FLNB: variants seen among roughly 807,000 people sequenced by gnomAD.
The protein encoded by FLNB is filamin-B.
Under a neutral mutation model 250.6 loss-of-function variants are expected in FLNB, and 111 were observed. The observed-to-expected ratio is 0.44, with a 90% confidence interval of 0.38 to 0.52. The LOEUF (loss-of-function observed/expected upper bound fraction) is 0.52. Among genes scored for constraint, FLNB ranks in the 20% least tolerant of loss-of-function variants. The probability of loss-of-function intolerance (pLI) is 0.00; values close to 1 mark genes in which losing one functional copy is unlikely to be tolerated. For missense variants in FLNB, 2,869 were observed against 3,447.8 expected (o/e 0.83, Z 4.20); for synonymous variants, 1,302 against 1,372.1 (o/e 0.95, Z 1.13).
At chr3:58,146,649 C>A in intron 33 of FLNB, 171 bp from the exon 34 acceptor site, 1 of 674,812 alleles carries the variant, frequency 1.5e-6, no homozygotes, top group Non-Finnish European at 2.6e-6. Flanking sequence ...GGTGTTTTTA[C>A]TGCGTGGACT....
At chr3:58,084,880 A>G (rs1344844701) in intron 4 of FLNB, among the ~76,000 whole-genome samples, 3 of 152,080 alleles carry the variant, frequency 2.0e-5, no homozygotes, top group Non-Finnish European at 4.4e-5. Flanking sequence ...TACCTCCTAG[A>G]AGTGGAATCA....
intron 1 of FLNB, among the ~76,000 whole-genome samples, chr3:58,070,379 A>G (rs1699029932): frequency 6.6e-6 from 1 of 152,034 alleles, no homozygotes; most frequent in African/African-American, 2.4e-5. Flanking sequence ...TACTCCTTAT[A>G]ACAGCCCTGG....
Position 58,163,199 on chromosome 3 carries a change from C to T in FLNB, c.7067C>T (p.Thr2356Ile). 1.2e-6 allele frequency: 2 copies of T among 1,614,200 alleles called. No individual in the cohort carries two copies. Among genetic ancestry groups the T allele is most frequent in the Non-Finnish European group, 1.7e-6 (2 of 1,180,016 alleles). The change falls in exon 43 of 46, where the codon ACC (threonine) becomes ATC (isoleucine). Residue 2356 changes from threonine to isoleucine, a missense_variant. Around this residue, in one of 5 missense-constraint regions of FLNB, gnomAD observed 1,084 missense variants for 1,315.5 expected, o/e 0.82. Coordinates refer to ENST00000295956, the MANE Select transcript of FLNB (RefSeq NM_001457.4). ...ATCCCTCATGAGAATGGTGTCCACA[C>T]CATCGATGTCAAGTTCAATGGGAGC... ...RFIPHENGVHTIDVKFNGSHV... is the reference protein window; with the variant it reads ...RFIPHENGVHIIDVKFNGSHV...
intron 1 of FLNB, among the ~76,000 whole-genome samples, chr3:58,022,043 G>T (rs1238011636): frequency 1.3e-5 from 2 of 152,140 alleles, no homozygotes; most frequent in Non-Finnish European, 2.9e-5. Flanking sequence ...AAAGTGTGGG[G>T]ATTACAGGCA....
At chr3:58,132,009 T>C (rs1378048265) in intron 25 of FLNB, 7 of 1,534,644 alleles carry the variant, frequency 4.6e-6, no homozygotes, top group Non-Finnish European at 6.1e-6. Flanking sequence ...AGGGTGACTT[T>C]AATAAGACAG....
At chr3:58,103,605 A>G (rs1445279061) in intron 9 of FLNB, among the ~76,000 whole-genome samples, 1 of 152,202 alleles carries the variant, frequency 6.6e-6, no homozygotes, top group Non-Finnish European at 1.5e-5. Context: ...GTGGGGGACT[A>G]GGAAGGGTAG....
chr3:58,109,795 C>G, intron 15 of FLNB, 96 bp downstream of exon 15: 1 of 1,531,250 alleles, frequency 6.5e-7, no homozygotes, highest in Non-Finnish European at 9.0e-7. Context: ...AGGAAGTAGT[C>G]CATCTGAATA....
chr3:58,152,533 G>A (rs989697625), intron 38 of FLNB, among the ~76,000 whole-genome samples: 1 of 150,998 alleles, frequency 6.6e-6, no homozygotes, highest in Admixed American at 6.6e-5. Flanking sequence ...CCCATCACAG[G>A]GTCGCTCCAC....
intron 1 of FLNB, among the ~76,000 whole-genome samples, chr3:58,070,526 C>T (rs995442726): frequency 6.6e-6 from 1 of 152,170 alleles, no homozygotes; most frequent in Non-Finnish European, 1.5e-5. Flanking sequence ...CATGTAGCCT[C>T]TCCGGGTGGT....
chr3:58,021,409 C>T (rs902063599), intron 1 of FLNB, among the ~76,000 whole-genome samples: 1 of 152,090 alleles, frequency 6.6e-6, no homozygotes, highest in African/African-American at 2.4e-5. Flanking sequence ...GCTGGAAGAC[C>T]AGGAATGTGC....
At chr3:58,030,345 G>A (rs566879543) in intron 1 of FLNB, among the ~76,000 whole-genome samples, 1 of 152,314 alleles carries the variant, frequency 6.6e-6, no homozygotes, top group South Asian at 2.1e-4. Flanking sequence ...AGCAAGTTAT[G>A]GGTTTCAGGG....
In FLNB at chr3:58,145,910, C is replaced by T. The variant is rs754417495; in HGVS notation, c.5426-11C>T. On this transcript the variant is annotated splice_polypyrimidine_tract_variant and intron_variant, in intron 32 of 45. Coordinates refer to ENST00000295956, the MANE Select transcript of FLNB (RefSeq NM_001457.4). Reference sequence around the variant, plus strand: ...GAGCACCAATTTTGTTTGTGTCCTTCGTAAACCCAGAGAGCCCACTCCAGT... The same window carrying T: ...GAGCACCAATTTTGTTTGTGTCCTTTGTAAACCCAGAGAGCCCACTCCAGT... 4.3e-6 allele frequency: 7 copies of T among 1,613,998 alleles called. No homozygotes were observed. Among genetic ancestry groups the T allele is most frequent in the Non-Finnish European group, 5.9e-6 (7 of 1,180,018 alleles).
At position 58,153,357 on chromosome 3, in the gene FLNB, C is replaced by T. The variant is rs748862108; in HGVS notation, c.6368-18C>T. On this transcript the variant is annotated intron_variant, in intron 38 of 45. Coordinates refer to ENST00000295956, the MANE Select transcript of FLNB (RefSeq NM_001457.4). ...GCCCTAACCCTCTTCTCTCCCCCAACCTCCCTCCCTCTTTCAGAAATCAAC... is the reference window on the plus strand; with the variant it reads ...GCCCTAACCCTCTTCTCTCCCCCAATCTCCCTCCCTCTTTCAGAAATCAAC... 3 of 1,613,996 alleles carry T rather than the reference C, an allele frequency of 1.9e-6. No individual in the cohort carries two copies. In the South Asian group the frequency reaches 3.3e-5, roughly 18 times the overall value.
At chr3:58,154,739 G>A (rs973564928) in intron 39 of FLNB, 52 bp from the exon 40 acceptor site, 7 of 1,603,782 alleles carry the variant, frequency 4.4e-6, no homozygotes, top group Non-Finnish European at 4.3e-6. Context: ...ATGGAAGAGG[G>A]ACAGGGGCTC....
intron 12 of FLNB, among the ~76,000 whole-genome samples, 165 bp downstream of exon 12, chr3:58,107,038 T>A (rs2097260894): frequency 6.6e-6 from 1 of 152,138 alleles, no homozygotes; most frequent in African/African-American, 2.4e-5. Context: ...TTTGTTTGTT[T>A]GTTTGTTTTG....
rs997730605 is a variant in FLNB at position 58,142,395 on chromosome 3, C to T, written c.5182-255C>T. 1.3e-5 allele frequency among the ~76,000 whole-genome samples: 2 copies of T among 152,234 alleles called. No individual in the cohort carries two copies. The highest frequency in any genetic ancestry group is 2.1e-4 in the South Asian group (1 of 4,834). On this transcript the variant is annotated intron_variant, in intron 30 of 45. Coordinates refer to ENST00000295956, the MANE Select transcript of FLNB (RefSeq NM_001457.4). The surrounding 1 kb of genome is among the most constrained non-coding windows in gnomAD (Gnocchi z 4.3). ...GCTGTCTCTCACTTTTCCACTTTCCCGTGGGTGCTGCTGGGAATTTTACAA... is the reference window on the plus strand; with the variant it reads ...GCTGTCTCTCACTTTTCCACTTTCCTGTGGGTGCTGCTGGGAATTTTACAA...
chr3:58,038,184 C>G (rs540370837), intron 1 of FLNB, among the ~76,000 whole-genome samples: 1 of 152,106 alleles, frequency 6.6e-6, no homozygotes, highest in African/African-American at 2.4e-5. Flanking sequence ...TGCCCGCCAC[C>G]ATGCCCAGCT....
chr3:58,149,208 C>A (rs1364705285), intron 36 of FLNB: 2 of 350,442 alleles, frequency 5.7e-6, no homozygotes, highest in Non-Finnish European at 1.1e-5. Context: ...TTGGCCAAGA[C>A]CATGGTCATC....
chr3:58,085,308 G>C (rs2097215751), intron 4 of FLNB, among the ~76,000 whole-genome samples: 1 of 152,190 alleles, frequency 6.6e-6, no homozygotes. Flanking sequence ...TTAGGTGACA[G>C]GGTCACAAGG....
Sources: allele counts gnomAD v4.1 joint callset (sites outside exome capture counted in the v4.1 genomes callset), GRCh38; gene constraint gnomAD v4.1.1; regional missense constraint gnomAD v4.1.1; non-coding constraint Gnocchi (gnomAD v3.1); transcripts MANE v1.5; gene names NCBI Gene and HGNC (gene_info 2026-07-23, HGNC 2026-07-21).